The following FRMPD4 variants were observed in gnomAD, a reference collection of about 807,000 sequenced individuals.
FRMPD4 encodes the protein FERM and PDZ domain-containing protein 4.
A neutral mutation model predicts 94.1 loss-of-function variants in FRMPD4; 22 were observed. The ratio of observed to expected loss-of-function variants is 0.23; its 90% CI spans 0.17 to 0.33. FRMPD4 has a LOEUF of 0.33. FRMPD4 is among the 10% of genes least tolerant of loss of function. The probability of loss-of-function intolerance (pLI) is 1.00; values close to 1 mark genes in which losing one functional copy is unlikely to be tolerated. For synonymous variants in FRMPD4, 631 were observed against 548.6 expected (o/e 1.15, Z -2.10); for missense variants, 1,111 against 1,339.9 (o/e 0.83, Z 2.67).
At chrX:12,708,356 G>T (rs2041918305) in intron 13 of FRMPD4, among the ~76,000 whole-genome samples, 1 of 109,196 alleles carries the variant, frequency 9.2e-6, no homozygotes, top group African/African-American at 3.4e-5. Context: ...TGTAATCCCA[G>T]CTACTCAGGA....
At chrX:12,596,929 T>C (rs1276563965) in intron 2 of FRMPD4, among the ~76,000 whole-genome samples, 1 of 111,651 alleles carries the variant, frequency 9.0e-6, no homozygotes, top group African/African-American at 3.3e-5. Flanking sequence ...TAATTCAGGG[T>C]ATTTATTGTC....
At chrX:12,111,408 C>G (rs2055360232) in intron 3 of FRMPD4, among the ~76,000 whole-genome samples, 1 of 111,564 alleles carries the variant, frequency 9.0e-6, no homozygotes, top group Non-Finnish European at 1.9e-5. Context: ...ACACGTTATA[C>G]AAAAATTAAT....
chrX:12,387,009 A>T (rs2056405525), intron 1 of FRMPD4, among the ~76,000 whole-genome samples: 1 of 112,177 alleles, frequency 8.9e-6, no homozygotes. Flanking sequence ...CAAACAAAAC[A>T]TAAAGAGAAG....
At chrX:12,583,319 TAAG>T (rs777243051) in intron 2 of FRMPD4, 1 of 453,234 alleles carries the variant, frequency 2.2e-6, no homozygotes, top group East Asian at 3.9e-5. Context: ...TTCTCAAGGA[TAAG>T]AATATTTTGT....
At chrX:12,048,917 T>A (rs1386202268) in intron 3 of FRMPD4, among the ~76,000 whole-genome samples, 1 of 111,903 alleles carries the variant, frequency 8.9e-6, no homozygotes, top group African/African-American at 3.2e-5. Flanking sequence ...AGTTGGATAA[T>A]GTGATGCCTC....
chrX:11,944,378 G>C (rs1189907879), intron 3 of FRMPD4, among the ~76,000 whole-genome samples: 1 of 111,478 alleles, frequency 9.0e-6, no homozygotes, highest in Non-Finnish European at 1.9e-5. Context: ...GATACCACAG[G>C]CTTTTTACAC....
intron 3 of FRMPD4, among the ~76,000 whole-genome samples, chrX:12,109,099 C>A (rs1360063068): frequency 1.8e-5 from 2 of 111,800 alleles, no homozygotes; most frequent in Non-Finnish European, 3.8e-5. Flanking sequence ...GAACTCTCCA[C>A]CCCAAATCAA....
chrX:12,553,605 CA>C (rs1304561360), intron 2 of FRMPD4, among the ~76,000 whole-genome samples: 2 of 107,539 alleles, frequency 1.9e-5, no homozygotes, highest in Non-Finnish European at 3.8e-5. Flanking sequence ...CCACCCCAGC[CA>C]AAGCTGTAGG....
At chrX:12,082,168 A>G (rs978247784) in intron 3 of FRMPD4, among the ~76,000 whole-genome samples, 1 of 111,335 alleles carries the variant, frequency 9.0e-6, no homozygotes, top group African/African-American at 3.3e-5. Flanking sequence ...AGGCTTATTG[A>G]TATGGTTTGG....
intron 1 of FRMPD4, among the ~76,000 whole-genome samples, chrX:11,825,820 T>C (rs2053440829): frequency 8.9e-6 from 1 of 112,226 alleles, no homozygotes; most frequent in South Asian, 3.7e-4. Context: ...CACAGAGCTC[T>C]GTATTATTTT....
chrX:12,110,216 C>G (rs1187812259), intron 3 of FRMPD4, among the ~76,000 whole-genome samples: 1 of 112,158 alleles, frequency 8.9e-6, no homozygotes, highest in Non-Finnish European at 1.9e-5. Flanking sequence ...AAAAGCTTAT[C>G]CACCATGATC....
chrX:12,668,490 G>A (rs1374866559), intron 4 of FRMPD4, among the ~76,000 whole-genome samples: 1 of 109,860 alleles, frequency 9.1e-6, no homozygotes, highest in Non-Finnish European at 1.9e-5. Context: ...AACATATTTT[G>A]AAAATAGTTC....
At chrX:12,190,031 T>C (rs2056472474) in intron 1 of FRMPD4, among the ~76,000 whole-genome samples, 1 of 111,593 alleles carries the variant, frequency 9.0e-6, no homozygotes, top group Non-Finnish European at 1.9e-5. Flanking sequence ...GGTTACAAAG[T>C]TAATATACAA....
At chrX:12,532,216 T>C (rs2058292865) in intron 2 of FRMPD4, among the ~76,000 whole-genome samples, 1 of 112,349 alleles carries the variant, frequency 8.9e-6, no homozygotes, top group South Asian at 3.7e-4. Context: ...TTACCCTACC[T>C]GAGCCAACAT....
At chrX:12,525,046 AC>A (rs1289332595) in intron 2 of FRMPD4, among the ~76,000 whole-genome samples, 1 of 111,116 alleles carries the variant, frequency 9.0e-6, no homozygotes, top group Non-Finnish European at 1.9e-5. Context: ...TTCCAATGTG[AC>A]CCAAGGAAGC....
intron 1 of FRMPD4, among the ~76,000 whole-genome samples, chrX:12,226,587 C>A (rs1017889469): frequency 1.8e-5 from 2 of 111,253 alleles, no homozygotes; most frequent in African/African-American, 6.5e-5. Context: ...TGGCAGAAGA[C>A]ACGATACCTG....
At chrX:11,971,733 C>T (rs2054341234) in intron 3 of FRMPD4, among the ~76,000 whole-genome samples, 1 of 112,019 alleles carries the variant, frequency 8.9e-6, no homozygotes, top group Admixed American at 9.5e-5. Flanking sequence ...CTGGTCTGGG[C>T]CTATTGTCCC....
chrX:12,683,079 TTC>T (rs1282769494), intron 5 of FRMPD4, among the ~76,000 whole-genome samples: 1 of 112,130 alleles, frequency 8.9e-6, no homozygotes, highest in Non-Finnish European at 1.9e-5. Context: ...TCAATGGCTC[TTC>T]TCCACCTCAT....
intron 1 of FRMPD4, among the ~76,000 whole-genome samples, chrX:12,345,100 G>T (rs767622983): frequency 1.0e-5 from 1 of 99,637 alleles, no homozygotes; most frequent in East Asian, 2.9e-4. Flanking sequence ...ATGAATGGAT[G>T]GATGGATGGA....
Sources: allele counts gnomAD v4.1 joint callset (sites outside exome capture counted in the v4.1 genomes callset), GRCh38; gene constraint gnomAD v4.1.1; transcripts MANE v1.5; gene names NCBI Gene and HGNC (gene_info 2026-07-23, HGNC 2026-07-21).